CRISPLD2: variants seen among roughly 807,000 people sequenced by gnomAD.
The protein encoded by CRISPLD2 is cysteine-rich secretory protein LCCL domain-containing 2.
In CRISPLD2, 47 loss-of-function variants were observed where a neutral mutation model predicts 71.1. That is an observed-to-expected ratio of 0.66 (90% CI 0.52 to 0.84). The LOEUF is 0.84. Ranked by LOEUF, CRISPLD2 falls within the 40% of genes least tolerant of loss-of-function variation. The pLI is 0.00. For synonymous variants in CRISPLD2, 317 were observed against 250.1 expected (o/e 1.27, Z -2.52); for missense variants, 830 against 651.1 (o/e 1.27, Z -2.99).
Position 84,838,619 on chromosome 16 carries a change from G to C in CRISPLD2, c.124G>C (p.Glu42Gln), listed in dbSNP as rs146258520. The C allele has an allele frequency of 1.2e-6, 2 of 1,614,238 alleles. No individual in the cohort carries two copies. The highest frequency in any genetic ancestry group is 1.7e-6 in the Non-Finnish European group (2 of 1,180,040). The stretch of plus-strand genomic sequence containing the variant: ...GCTGCTCAGCAAATACCAGCACAAC[G>C]AGTCTCACTCCCGGGTCCGCAGAGC... ...EELLSKYQHNESHSRVRRAIP... is the reference protein window; with the variant it reads ...EELLSKYQHNQSHSRVRRAIP... The change falls in exon 2 of 15, where the codon GAG (glutamate) becomes CAG (glutamine). Residue 42 changes from glutamate to glutamine, a missense_variant. Glu to Gln is a conservative substitution (Grantham distance 29). Coordinates refer to ENST00000262424, the MANE Select transcript of CRISPLD2 (RefSeq NM_031476.4).
At chr16:84,895,403 C>T (rs531881108) in intron 14 of CRISPLD2, among the ~76,000 whole-genome samples, 4 of 152,208 alleles carry the variant, frequency 2.6e-5, no homozygotes, top group South Asian at 2.1e-4. Flanking sequence ...CCTGTCTTTA[C>T]GATACAAGAA....
intron 2 of CRISPLD2, chr16:84,839,175 C>T: frequency 2.9e-6 from 1 of 349,854 alleles, no homozygotes; most frequent in South Asian, 2.2e-5. Flanking sequence ...GCATGAGTCA[C>T]CCTGTCTGGC....
At chr16:84,906,266 A>G (rs2071801563) in intron 14 of CRISPLD2, among the ~76,000 whole-genome samples, 1 of 152,060 alleles carries the variant, frequency 6.6e-6, no homozygotes. Context: ...GACAGGTGGT[A>G]GTGAAACCAA....
At chr16:84,862,486 G>A (rs1369332966) in intron 6 of CRISPLD2, among the ~76,000 whole-genome samples, 1 of 152,046 alleles carries the variant, frequency 6.6e-6, no homozygotes, top group Non-Finnish European at 1.5e-5. Context: ...GCACCATCAT[G>A]CCCGCCCACC....
chr16:84,890,741 G>C (rs2071654267), intron 14 of CRISPLD2, among the ~76,000 whole-genome samples: 1 of 152,020 alleles, frequency 6.6e-6, no homozygotes, highest in Non-Finnish European at 1.5e-5. Context: ...GCTGTAGTGA[G>C]CCGGGATTGT....
chr16:84,903,342 C>T (rs558028168), intron 14 of CRISPLD2, among the ~76,000 whole-genome samples: 4 of 152,108 alleles, frequency 2.6e-5, no homozygotes, highest in East Asian at 1.9e-4. Flanking sequence ...TTTGGGAGGC[C>T]GAGGCAGGCG....
chr16:84,901,181 G>A (rs879418419), intron 14 of CRISPLD2, among the ~76,000 whole-genome samples: 3 of 152,096 alleles, frequency 2.0e-5, no homozygotes, highest in Middle Eastern at 3.2e-3. Context: ...AACAAATCCC[G>A]AGATATATTG....
chr16:84,846,344 C>T (rs1020913483), intron 3 of CRISPLD2, among the ~76,000 whole-genome samples: 30 of 151,968 alleles, frequency 2.0e-4, no homozygotes, highest in Admixed American at 2.6e-4. Flanking sequence ...CCTCTGTCTC[C>T]TGGGTTCAAG....
chr16:84,874,271 G>A (rs543040403), intron 11 of CRISPLD2, among the ~76,000 whole-genome samples: 31 of 152,298 alleles, frequency 2.0e-4, no homozygotes, highest in African/African-American at 6.3e-4. Flanking sequence ...ACTTTCTGTC[G>A]ATTGGTAATG....
intron 6 of CRISPLD2, among the ~76,000 whole-genome samples, chr16:84,855,702 C>A (rs1349880333): frequency 6.6e-6 from 1 of 152,162 alleles, no homozygotes; most frequent in Non-Finnish European, 1.5e-5. Flanking sequence ...CACAAGTCCA[C>A]CCCTTGTCAA....
chr16:84,885,302 T>C (rs1011004265), intron 13 of CRISPLD2, among the ~76,000 whole-genome samples: 1 of 152,254 alleles, frequency 6.6e-6, no homozygotes, highest in Non-Finnish European at 1.5e-5. Context: ...AAATGGTCGC[T>C]TCATCTTAAA....
chr16:84,864,296 G>T (rs1192905748), intron 6 of CRISPLD2, among the ~76,000 whole-genome samples: 5 of 152,236 alleles, frequency 3.3e-5, no homozygotes, highest in Non-Finnish European at 5.9e-5. Context: ...CTTTTCATTT[G>T]TGGGTGTGAG....
At chr16:84,881,676 A>T (rs1227150766) in intron 13 of CRISPLD2, among the ~76,000 whole-genome samples, 1 of 152,100 alleles carries the variant, frequency 6.6e-6, no homozygotes, top group Non-Finnish European at 1.5e-5. Context: ...AGGTCTCACT[A>T]TGTTGCCCAG....
At chr16:84,832,436 A>G (rs2143154061) in intron 1 of CRISPLD2, among the ~76,000 whole-genome samples, 1 of 152,376 alleles carries the variant, frequency 6.6e-6, no homozygotes, top group African/African-American at 2.4e-5. Flanking sequence ...AATCAGACGT[A>G]GTCCTTATAT....
Position 84,838,650 on chromosome 16 carries a change from C to T in CRISPLD2, c.155C>T (p.Pro52Leu). 6.2e-7 allele frequency: 1 copy of T among 1,614,242 alleles called. No homozygotes were observed. Among genetic ancestry groups the T allele is most frequent in the Non-Finnish European group, 8.5e-7 (1 of 1,180,042 alleles). The change falls in exon 2 of 15, where the codon CCC becomes CTC. Residue 52 changes from proline (P) to leucine (L), a missense_variant. Coordinates refer to ENST00000262424, the MANE Select transcript of CRISPLD2 (RefSeq NM_031476.4). ...CACTCCCGGGTCCGCAGAGCCATCC[C>T]CAGGGAGGACAAGGAGGAGATCCTC... ...ESHSRVRRAI[P>L]REDKEEILML...
chr16:84,832,603 G>A (rs137868394), intron 1 of CRISPLD2, among the ~76,000 whole-genome samples: 8 of 152,368 alleles, frequency 5.3e-5, no homozygotes, highest in African/African-American at 1.2e-4. Context: ...CGTGCTCCTC[G>A]GGCTGAGTCT....
In CRISPLD2 at chr16:84,844,570, G is replaced by T. The variant is rs539388278; in HGVS notation, c.241-1216G>T. Among the ~76,000 whole-genome samples, 3 of 151,950 alleles carry T rather than the reference G, an allele frequency of 2.0e-5. No homozygotes were observed. The East Asian group carries it at 5.8e-4, about 29-fold the overall frequency. On this transcript the variant is annotated intron_variant, in intron 2 of 14. Transcript: ENST00000262424. The stretch of plus-strand genomic sequence containing the variant: ...TAGAGACGGGGTTTCACTATGTTGG[G>T]CAGGCGGGTCTCCAACTCCTGACCT...
intron 14 of CRISPLD2, among the ~76,000 whole-genome samples, chr16:84,904,279 A>G (rs927771236): frequency 1.1e-4 from 17 of 152,164 alleles, no homozygotes; most frequent in African/African-American, 4.1e-4. Context: ...CAGGACAGAC[A>G]CAGAGATTAA....
intron 6 of CRISPLD2, among the ~76,000 whole-genome samples, chr16:84,856,491 AC>A (rs1391427771): frequency 6.6e-6 from 1 of 152,078 alleles, no homozygotes; most frequent in Admixed American, 6.5e-5. Context: ...TGGAACTAAG[AC>A]CTCTAGGCCA....
Sources: allele counts gnomAD v4.1 joint callset (sites outside exome capture counted in the v4.1 genomes callset), GRCh38; gene constraint gnomAD v4.1.1; transcripts MANE v1.5; gene names NCBI Gene and HGNC (gene_info 2026-07-23, HGNC 2026-07-21).